The following NADK2 variants were observed in gnomAD, a reference collection of about 807,000 sequenced individuals.
NADK2 encodes the protein NAD kinase 2, mitochondrial, also known as NAD kinase domain-containing protein 1, mitochondrial.
In NADK2, 35 loss-of-function variants were observed where a neutral mutation model predicts 62.1. That is an observed-to-expected ratio of 0.56 (90% CI 0.43 to 0.75). The LOEUF (loss-of-function observed/expected upper bound fraction) is 0.75, where lower values mean the gene tolerates loss of function less well. Among genes scored for constraint, NADK2 ranks in the 30% least tolerant of loss-of-function variants. The probability of loss-of-function intolerance (pLI) is 0.00; values close to 1 mark genes in which losing one functional copy is unlikely to be tolerated. For synonymous variants in NADK2, 205 were observed against 207.9 expected (o/e 0.99, Z 0.12); for missense variants, 439 against 561.3 (o/e 0.78, Z 2.20).
chr5:36,203,718 T>C (rs1315651900), intron 8 of NADK2, among the ~76,000 whole-genome samples: 3 of 152,130 alleles, frequency 2.0e-5, no homozygotes, highest in Non-Finnish European at 4.4e-5. Context: ...TGGCTGTCAT[T>C]CCTTATGCTC....
intron 7 of NADK2, among the ~76,000 whole-genome samples, chr5:36,207,585 A>G (rs1235886524): frequency 6.6e-6 from 1 of 152,116 alleles, no homozygotes. Flanking sequence ...TCTAACATAT[A>G]CAGAGCCTCA....
intron 5 of NADK2, 100 bp from the exon 6 acceptor site, chr5:36,217,984 G>C: frequency 9.5e-7 from 1 of 1,053,284 alleles, no homozygotes; most frequent in Non-Finnish European, 1.4e-6. Flanking sequence ...ATAAAAACTA[G>C]TTACCAGTTA....
At chr5:36,230,931 T>G (rs1338392512) in intron 1 of NADK2, among the ~76,000 whole-genome samples, 1 of 152,250 alleles carries the variant, frequency 6.6e-6, no homozygotes, top group Non-Finnish European at 1.5e-5. Flanking sequence ...ACAATAAGCC[T>G]ATTACAACAG....
intron 10 of NADK2, among the ~76,000 whole-genome samples, chr5:36,198,775 G>C (rs1439943478): frequency 1.3e-5 from 2 of 151,696 alleles, no homozygotes; most frequent in African/African-American, 4.8e-5. Flanking sequence ...CATGAACCAT[G>C]ATTAAAATAA....
chr5:36,241,483 C>A lies in NADK2; in HGVS notation c.300+16G>T, dbSNP rs1411375883. 2 of 1,523,026 alleles carry A rather than the reference C, an allele frequency of 1.3e-6. No homozygotes were observed. Among genetic ancestry groups the A allele is most frequent in the Non-Finnish European group, 1.8e-6 (2 of 1,142,502 alleles). 94.3% of individuals were successfully genotyped at this position (1,523,026 alleles called of 1,614,324 possible). A position where few individuals can be genotyped will look rare whatever the true frequency, so the allele number is the denominator to read the frequency against. On this transcript the variant is annotated intron_variant, in intron 1 of 11. Coordinates refer to ENST00000381937, the MANE Select transcript of NADK2 (RefSeq NM_001085411.3). The surrounding 1 kb of genome is among the most constrained non-coding windows in gnomAD (Gnocchi z 4.9). ...GGCCGAGCCCGGGAGCGAAGCGGGG[C>A]CGAGCCAGGACCCACCAGCTGCTTC...
rs879063974 is a variant in NADK2, at chr5:36,201,294, CTG to C, written c.957-135_957-134del. On this transcript the variant is annotated intron_variant, in intron 8 of 11. Transcript: ENST00000381937. ...AGTTCTAAATGAACAAAGTTAAAAA[CTG>C]GTAAATAATGTGCTAGTATGGGTAT... 47 of 737,900 alleles carry C rather than the reference CTG, an allele frequency of 6.4e-5. No individual in the cohort carries two copies. In the South Asian group the frequency reaches 7.6e-4, roughly 12 times the overall value. The allele number at this position is 737,900 out of a possible 1,614,324, so 45.7% of individuals were successfully genotyped here.
chr5:36,214,635 G>GATGCAC (rs1373207749), intron 6 of NADK2, among the ~76,000 whole-genome samples: 4 of 152,130 alleles, frequency 2.6e-5, no homozygotes, highest in South Asian at 2.1e-4. Flanking sequence ...CTTGCACTAG[G>GATGCAC]TGGAGCCATG....
chr5:36,193,992 G>T lies in NADK2; in HGVS notation c.*1152C>A, dbSNP rs1746128692. On this transcript the variant is annotated 3_prime_UTR_variant, in exon 12 of 12. Coordinates refer to ENST00000381937, the MANE Select transcript of NADK2 (RefSeq NM_001085411.3). ...CCAAATGAAAGAAACACATGACTTT[G>T]AACAACGGCACGAGAATACCAACTG... 1.3e-5 allele frequency: 2 copies of T among 152,514 alleles called. No homozygotes were observed. The highest frequency in any genetic ancestry group is 4.8e-5 in the African/African-American group (2 of 41,402). 9.4% of individuals were successfully genotyped at this position (152,514 alleles called of 1,614,324 possible). A position where few individuals can be genotyped will look rare whatever the true frequency, so the allele number is the denominator to read the frequency against.
chr5:36,228,300 C>T (rs910213130), intron 1 of NADK2, among the ~76,000 whole-genome samples: 6 of 152,174 alleles, frequency 3.9e-5, no homozygotes, highest in Admixed American at 6.5e-5. Context: ...TCAGAAATAT[C>T]CTTAGTGAAC....
chr5:36,221,208 T>C (rs1561068545), intron 4 of NADK2: 1 of 152,210 alleles, frequency 6.6e-6, no homozygotes, highest in South Asian at 2.1e-4. Flanking sequence ...AGAGTGGCTA[T>C]AGAATACAGA....
At chr5:36,204,809 A>C (rs1203964932) in intron 8 of NADK2, among the ~76,000 whole-genome samples, 4 of 152,064 alleles carry the variant, frequency 2.6e-5, no homozygotes, top group Non-Finnish European at 5.9e-5. Flanking sequence ...CTTCAGAATA[A>C]ATAGGACAAA....
chr5:36,227,496 G>C lies in NADK2; in HGVS notation c.370C>G (p.His124Asp), dbSNP rs1747526498. The change falls in exon 2 of 12, where the codon CAT (histidine) becomes GAT (aspartate). Residue 124 changes from histidine to aspartate, a missense_variant. Physicochemically the swap from His to Asp is moderately conservative, Grantham distance 81. Transcript: ENST00000381937. ...ACTTACCGTAAACTATCTATAATAT[G>C]TTCTACATTTTTGGTGTGAATATGA... Reference protein sequence around the residue: ...RHHIHTKNVEHIIDSLRNEGI... With the variant: ...RHHIHTKNVEDIIDSLRNEGI... 6.5e-7 allele frequency: 1 copy of C among 1,539,710 alleles called. No individual in the cohort carries two copies. The highest frequency in any genetic ancestry group is 2.0e-5 in the Admixed American group (1 of 49,002).
At chr5:36,204,383 CAA>C (rs1746558429) in intron 8 of NADK2, among the ~76,000 whole-genome samples, 1 of 152,106 alleles carries the variant, frequency 6.6e-6, no homozygotes, top group Non-Finnish European at 1.5e-5. Flanking sequence ...GTACTCTTTT[CAA>C]TTATACCACT....
rs150746993 is a variant in NADK2, at chr5:36,219,669, G to A, written c.571C>T (p.His191Tyr). 8.7e-6 allele frequency: 14 copies of A among 1,613,078 alleles called. No individual in the cohort carries two copies. Among genetic ancestry groups the A allele is most frequent in the Non-Finnish European group, 1.7e-6 (2 of 1,179,586 alleles). Residue 191 changes from histidine to tyrosine, a missense_variant, in exon 5 of 12, where the codon CAT becomes TAT. By Grantham distance (83) the His-to-Tyr change is moderately conservative. Transcript: ENST00000381937. ...VNTDPERSEG[H>Y]LCLPVRYTHS... ...GTATATCGAACGGGCAGGCATAAAT[G>A]ACCCTCAGACCTATATTTTAACAGG...
At chr5:36,208,763 T>C in intron 7 of NADK2, 1 of 947,496 alleles carries the variant, frequency 1.1e-6, no homozygotes, top group Non-Finnish European at 1.6e-6. Context: ...AAGAACATTA[T>C]AAATGAGGCA....
intron 1 of NADK2, among the ~76,000 whole-genome samples, chr5:36,235,980 T>C (rs1184740380): frequency 6.6e-6 from 1 of 151,760 alleles, no homozygotes. Flanking sequence ...ATTTCCGTTG[T>C]ACATTACAAA....
chr5:36,236,944 C>CTAT (rs2112205189), intron 1 of NADK2, among the ~76,000 whole-genome samples: 1 of 148,940 alleles, frequency 6.7e-6, no homozygotes, highest in East Asian at 2.0e-4. Flanking sequence ...CAAAAGTAGA[C>CTAT]ACATAGACAC....
chr5:36,198,249 A>G (rs1350993618), intron 10 of NADK2, among the ~76,000 whole-genome samples: 1 of 152,050 alleles, frequency 6.6e-6, no homozygotes, highest in Non-Finnish European at 1.5e-5. Flanking sequence ...AACTACAAAG[A>G]TATCAGGCTT....
rs904535305 is a variant in NADK2 at position 36,211,900 on chromosome 5, T to C, written c.804A>G (p.Gln268=). Residue 268 remains glutamine (Q), a synonymous_variant, in exon 7 of 12, where the codon CAA becomes CAG. Coordinates refer to ENST00000381937, the MANE Select transcript of NADK2 (RefSeq NM_001085411.3). Reference sequence around the variant, plus strand: ...CATTTAGTGCTCTCACTGGCAGAAGTTGGGGTCCTGAAGCCTCAGACCCTG... The same window carrying C: ...CATTTAGTGCTCTCACTGGCAGAAGCTGGGGTCCTGAAGCCTCAGACCCTG... ...HDERSEASGP[Q]LLPVRALNEV... is the part of the protein sequence containing the mutation. 2 of 1,613,772 alleles carry C rather than the reference T, an allele frequency of 1.2e-6. No homozygotes were observed. The highest frequency in any genetic ancestry group is 1.1e-5 in the South Asian group (1 of 91,048).
Sources: gnomAD v4.1 joint callset for allele counts (sites outside exome capture counted in the v4.1 genomes callset) on GRCh38, gnomAD v4.1.1 for gene constraint, Gnocchi (gnomAD v3.1) non-coding constraint, MANE v1.5 for transcripts, NCBI Gene and HGNC (gene_info 2026-07-23, HGNC 2026-07-21) for gene names.